Variants in SLIT3 observed in about 807,000 individuals in gnomAD.
The protein encoded by SLIT3 is slit homolog 3 protein.
In SLIT3, 68 loss-of-function variants were observed where a neutral mutation model predicts 184.0. The observed-to-expected ratio is 0.37, with a 90% CI of 0.30 to 0.45. The LOEUF (loss-of-function observed/expected upper bound fraction) is 0.45. Ranked by LOEUF, SLIT3 falls within the 20% of genes least tolerant of loss-of-function variation. The pLI, the probability that SLIT3 is intolerant of heterozygous loss-of-function variation, is 1.00. For missense variants in SLIT3, 1,707 were observed against 2,026.0 expected, an observed-to-expected ratio of 0.84 and a Z score of 3.02; for synonymous variants, 831 against 828.6, an observed-to-expected ratio of 1.00 and a Z score of -0.05.
At chr5:168,775,387 T>C (rs1241910531) in intron 12 of SLIT3, among the ~76,000 whole-genome samples, 1 of 152,116 alleles carries the variant, frequency 6.6e-6, no homozygotes, top group African/African-American at 2.4e-5. Flanking sequence ...CCTAGGACCT[T>C]TGAACACCCT....
At chr5:169,297,998 A>G (rs1767564261) in intron 1 of SLIT3, among the ~76,000 whole-genome samples, 1 of 152,188 alleles carries the variant, frequency 6.6e-6, no homozygotes, top group Non-Finnish European at 1.5e-5. Context: ...ATCCCCCAAG[A>G]GTTTTCAGAA....
chr5:169,083,429 A>G (rs893764632), intron 4 of SLIT3, among the ~76,000 whole-genome samples: 1 of 152,198 alleles, frequency 6.6e-6, no homozygotes, highest in African/African-American at 2.4e-5. Context: ...GAAGAGATCA[A>G]CACCAATCCA....
intron 4 of SLIT3, among the ~76,000 whole-genome samples, chr5:169,160,259 C>A (rs1368410237): frequency 6.6e-6 from 1 of 152,202 alleles, no homozygotes; most frequent in Non-Finnish European, 1.5e-5. Context: ...CTATTATCTT[C>A]CTTTTATAAT....
chr5:168,811,395 C>T (rs1272217271), intron 8 of SLIT3, among the ~76,000 whole-genome samples: 1 of 152,166 alleles, frequency 6.6e-6, no homozygotes, highest in Non-Finnish European at 1.5e-5. Flanking sequence ...AGCAAACTGT[C>T]CAAGATCATA....
chr5:169,022,177 C>T (rs2278390), intron 4 of SLIT3: 45,883 of 152,206 alleles, frequency 0.3, 8,467 homozygotes, highest in East Asian at 0.53. Context: ...TGAGCGGCAT[C>T]GCCTGAAAGA....
At chr5:169,172,944 G>A (rs981047996) in intron 4 of SLIT3, among the ~76,000 whole-genome samples, 1 of 152,144 alleles carries the variant, frequency 6.6e-6, no homozygotes, top group African/African-American at 2.4e-5. Context: ...AGCATAGTCA[G>A]GGAGGGCTTC....
intron 27 of SLIT3, among the ~76,000 whole-genome samples, chr5:168,699,230 C>T (rs2113278156): frequency 6.6e-6 from 1 of 152,358 alleles, no homozygotes; most frequent in East Asian, 1.9e-4. Flanking sequence ...GGCAGGTGGA[C>T]ACGTGGGCGG....
intron 4 of SLIT3, among the ~76,000 whole-genome samples, chr5:168,958,151 T>G (rs1355662848): frequency 1.3e-5 from 2 of 152,198 alleles, no homozygotes; most frequent in Non-Finnish European, 2.9e-5. Flanking sequence ...TATAAACCAT[T>G]TACTCATCAT....
chr5:168,806,588 C>T lies in SLIT3; in HGVS notation c.794-1G>A. ...CAGGATGGGGGCTCCGAGTGGGGGGCTGTGGAGCCAAGACACAACGGTCAA... is the reference window on the plus strand; with the variant it reads ...CAGGATGGGGGCTCCGAGTGGGGGGTTGTGGAGCCAAGACACAACGGTCAA... On this transcript the variant is annotated splice_acceptor_variant, in intron 8 of 35. Coordinates refer to ENST00000519560, the MANE Select transcript of SLIT3 (RefSeq NM_003062.4). LOFTEE classifies it high-confidence loss of function. The T allele has an allele frequency of 6.2e-7, 1 of 1,614,058 alleles. No homozygotes were observed.
At chr5:169,163,385 C>T (rs1561707554) in intron 4 of SLIT3, among the ~76,000 whole-genome samples, 1 of 152,166 alleles carries the variant, frequency 6.6e-6, no homozygotes, top group Non-Finnish European at 1.5e-5. Context: ...TCACTTTGAA[C>T]GTGCAGACTC....
chr5:169,191,962 T>C (rs1022548081), intron 4 of SLIT3, among the ~76,000 whole-genome samples: 1 of 152,154 alleles, frequency 6.6e-6, no homozygotes, highest in Non-Finnish European at 1.5e-5. Flanking sequence ...CTCAGATGAA[T>C]AGTATATACT....
intron 6 of SLIT3, among the ~76,000 whole-genome samples, chr5:168,841,117 C>T (rs912815259): frequency 2.0e-5 from 3 of 152,232 alleles, no homozygotes; most frequent in Admixed American, 1.3e-4. Flanking sequence ...AGCCCACAGC[C>T]GCCATGCTTC....
At chr5:169,067,402 C>T (rs1217757803) in intron 4 of SLIT3, among the ~76,000 whole-genome samples, 2 of 151,798 alleles carry the variant, frequency 1.3e-5, no homozygotes, top group East Asian at 1.9e-4. Flanking sequence ...CGAGACTCCA[C>T]CTCAAAAAAA....
intron 20 of SLIT3, among the ~76,000 whole-genome samples, chr5:168,745,748 A>C (rs948174277): frequency 6.6e-6 from 1 of 152,046 alleles, no homozygotes; most frequent in Non-Finnish European, 1.5e-5. Context: ...ACTATGGGAA[A>C]ATGATGTTAA....
intron 14 of SLIT3, among the ~76,000 whole-genome samples, chr5:168,768,654 C>A (rs1398681122): frequency 6.6e-6 from 1 of 152,232 alleles, no homozygotes; most frequent in Non-Finnish European, 1.5e-5. Context: ...GCAACATAGG[C>A]CCAATCCCCC....
chr5:168,834,501 G>T (rs1205361516), intron 6 of SLIT3, among the ~76,000 whole-genome samples: 1 of 151,586 alleles, frequency 6.6e-6, no homozygotes, highest in Admixed American at 6.6e-5. Context: ...AGACCGGGGG[G>T]TCCAACATGG....
chr5:168,802,952 A>G (rs1441645035), intron 9 of SLIT3, among the ~76,000 whole-genome samples: 4 of 152,244 alleles, frequency 2.6e-5, no homozygotes, highest in African/African-American at 9.6e-5. Flanking sequence ...CATGGCTACA[A>G]GGCAGAGCCA....
intron 5 of SLIT3, among the ~76,000 whole-genome samples, chr5:168,874,043 G>C (rs920332356): frequency 6.6e-6 from 1 of 151,958 alleles, no homozygotes; most frequent in African/African-American, 2.4e-5. Context: ...ACTTTGAGGG[G>C]GTCAGAATCA....
At chr5:169,102,343 A>C (rs993687251) in intron 4 of SLIT3, among the ~76,000 whole-genome samples, 1 of 152,170 alleles carries the variant, frequency 6.6e-6, no homozygotes, top group South Asian at 2.1e-4. Context: ...ATTCATGAAT[A>C]TATATACAGT....
Sources: allele counts gnomAD v4.1 joint callset (sites outside exome capture counted in the v4.1 genomes callset), GRCh38; gene constraint gnomAD v4.1.1; transcripts MANE v1.5; gene names NCBI Gene and HGNC (gene_info 2026-07-23, HGNC 2026-07-21).